RBM28: variants seen among roughly 807,000 people sequenced by gnomAD.
RBM28 encodes RNA binding motif protein 28.
Under a neutral mutation model 98.3 loss-of-function variants are expected in RBM28, and 78 were observed. The observed-to-expected ratio is 0.79, with a 90% confidence interval of 0.66 to 0.96. The LOEUF (loss-of-function observed/expected upper bound fraction) is 0.96, where lower values mean the gene tolerates loss of function less well. Among genes scored for constraint, RBM28 ranks in the 40% least tolerant of loss-of-function variants. The pLI is 0.00. For missense variants in RBM28, 838 were observed against 913.0 expected, an observed-to-expected ratio of 0.92 and a Z score of 1.06; for synonymous variants, 306 against 330.9, an observed-to-expected ratio of 0.92 and a Z score of 0.82.
chr7:128,316,869 T>A (rs1410991022), intron 16 of RBM28, among the ~76,000 whole-genome samples: 1 of 152,242 alleles, frequency 6.6e-6, no homozygotes, highest in Non-Finnish European at 1.5e-5. Context: ...ACCACCAGAA[T>A]GGCTCGTCTG....
rs1795755578 is a variant in RBM28 at position 128,299,677 on chromosome 7, C to T, written c.*11120G>A. 6.6e-6 allele frequency: 1 copy of T among 152,214 alleles called. No homozygotes were observed. Among genetic ancestry groups the T allele is most frequent in the East Asian group, 1.9e-4 (1 of 5,198 alleles). 9.4% of individuals were successfully genotyped at this position (152,214 alleles called of 1,614,324 possible). On this transcript the variant is annotated 3_prime_UTR_variant, in exon 19 of 19. Transcript: ENST00000223073. ...CACTGATACAATCCAATGAGCCTCC[C>T]TTCAGAGAGAGGCACCCTCATGGCC...
At chr7:128,325,392 G>C (rs1184749644) in intron 11 of RBM28, among the ~76,000 whole-genome samples, 2 of 152,176 alleles carry the variant, frequency 1.3e-5, no homozygotes, top group Non-Finnish European at 2.9e-5. Context: ...AGAAATAACA[G>C]CAATATTAGA....
intron 17 of RBM28, among the ~76,000 whole-genome samples, chr7:128,314,242 G>A (rs1455458282): frequency 2.0e-5 from 3 of 152,282 alleles, no homozygotes; most frequent in South Asian, 2.1e-4. Context: ...GATTACAGGC[G>A]TGAGCCACCG....
intron 8 of RBM28, among the ~76,000 whole-genome samples, chr7:128,335,173 G>A (rs1198719905): frequency 6.6e-6 from 1 of 152,196 alleles, no homozygotes; most frequent in Non-Finnish European, 1.5e-5. Context: ...TTGATGTTGA[G>A]ATGGTTATAT....
chr7:128,330,866 A>T lies in RBM28; in HGVS notation c.1082T>A (p.Leu361His). 6.2e-7 allele frequency: 1 copy of T among 1,614,122 alleles called. No homozygotes were observed. The highest frequency in any genetic ancestry group is 8.5e-7 in the Non-Finnish European group (1 of 1,179,976). The change falls in exon 10 of 19, where the codon CTC becomes CAC. Residue 361 changes from leucine to histidine, a missense_variant. Physicochemically the swap from Leu to His is moderately conservative, Grantham distance 99 (BLOSUM62 -3). Coordinates refer to ENST00000223073, the MANE Select transcript of RBM28 (RefSeq NM_018077.3). ...LGELLQQFGE[L>H]KYVRIVLHPD... ...ATGCAAGACAATGCGGACATATTTG[A>T]GTTCTCCAAACTGTTGGAGAAGCTC...
At chr7:128,339,558 T>C (rs906961347) in intron 2 of RBM28, 75 bp downstream of exon 2, 11 of 1,522,090 alleles carry the variant, frequency 7.2e-6, no homozygotes, top group East Asian at 4.5e-5. Flanking sequence ...GCTACCTCCA[T>C]GCCTCCCTCT....
intron 1 of RBM28, among the ~76,000 whole-genome samples, chr7:128,342,825 A>G (rs185827034): frequency 6.6e-6 from 1 of 152,044 alleles, no homozygotes; most frequent in East Asian, 1.9e-4. Context: ...AGTACCTTTG[A>G]GCTTGCTGTT....
intron 3 of RBM28, 23 bp downstream of exon 3, chr7:128,339,204 T>C: frequency 1.3e-6 from 2 of 1,559,502 alleles, no homozygotes; most frequent in Non-Finnish European, 1.8e-6. Flanking sequence ...AAACATGCAA[T>C]GTTCATTTTC....
intron 6 of RBM28, 151 bp downstream of exon 6, chr7:128,336,980 G>A (rs1053494999): frequency 1.3e-5 from 11 of 826,014 alleles, no homozygotes; most frequent in Non-Finnish European, 2.3e-5. Flanking sequence ...ACTCCTGACT[G>A]CAAGCAATCC....
chr7:128,325,330 GTATT>G (rs1447626652), intron 11 of RBM28, among the ~76,000 whole-genome samples: 1 of 152,210 alleles, frequency 6.6e-6, no homozygotes, highest in Non-Finnish European at 1.5e-5. Flanking sequence ...CAAATGTCTA[GTATT>G]GTAAAGTAAG....
intron 10 of RBM28, among the ~76,000 whole-genome samples, chr7:128,329,268 T>A (rs1796421477): frequency 1.3e-5 from 2 of 152,200 alleles, no homozygotes; most frequent in South Asian, 4.1e-4. Flanking sequence ...CCCGGCTAAT[T>A]TTGTATTTTT....
intron 2 of RBM28, 63 bp from the exon 3 acceptor site, chr7:128,339,384 A>T (rs1796673339): frequency 1.5e-6 from 2 of 1,375,680 alleles, no homozygotes; most frequent in Non-Finnish European, 2.0e-6. Context: ...CCAGAACATC[A>T]CAGAAAAAAA....
At chr7:128,332,323 C>T (rs1263362775) in intron 9 of RBM28, among the ~76,000 whole-genome samples, 1 of 151,842 alleles carries the variant, frequency 6.6e-6, no homozygotes, top group African/African-American at 2.4e-5. Flanking sequence ...TCATCAATTT[C>T]CTAGAATGAA....
rs368435335 is a variant in RBM28 at position 128,316,780 on chromosome 7, C to CAATT, written c.1788+875_1788+878dup. ...TGAAACAATGGCTAACAGTAATAAA[C>CAATT]AATTCTATTATCTGGGGAACAAAGT... On this transcript the variant is annotated intron_variant, in intron 16 of 18. Transcript: ENST00000223073. 3.2e-3 allele frequency among the ~76,000 whole-genome samples: 481 copies of CAATT among 152,300 alleles called. 3 individuals carry two copies. Among genetic ancestry groups the CAATT allele is most frequent in the African/African-American group, 0.011 (460 of 41,564 alleles).
At chr7:128,329,762 A>G (rs1396137201) in intron 10 of RBM28, among the ~76,000 whole-genome samples, 3 of 151,920 alleles carry the variant, frequency 2.0e-5, no homozygotes, top group Non-Finnish European at 4.4e-5. Flanking sequence ...AGTGGTGGGC[A>G]CCTGTAGTCC....
rs1796784886 is a variant in RBM28 at position 128,343,824 on chromosome 7, GC to G, written c.-32del. ...CGGGAAACCCAAAGCGCGTGAGGAC[GC>G]GAGCAAACTAGGCCGGCGCACGCGA... On this transcript the variant is annotated 5_prime_UTR_variant, in exon 1 of 19. Coordinates refer to ENST00000223073, the MANE Select transcript of RBM28 (RefSeq NM_018077.3). 1 of 1,515,432 alleles carries G rather than the reference GC, an allele frequency of 6.6e-7. No individual in the cohort carries two copies. Among genetic ancestry groups the G allele is most frequent in the East Asian group, 2.5e-5 (1 of 40,352 alleles). The allele number at this position is 1,515,432 out of a possible 1,614,324, so 93.9% of individuals were successfully genotyped here.
intron 18 of RBM28, among the ~76,000 whole-genome samples, chr7:128,312,284 G>A (rs1796001350): frequency 6.6e-6 from 1 of 152,182 alleles, no homozygotes; most frequent in African/African-American, 2.4e-5. Context: ...GGGCATGGTG[G>A]CGCATGCCTG....
intron 13 of RBM28, among the ~76,000 whole-genome samples, chr7:128,322,218 GTCTCAACTCTGCCA>G (rs1193509614): frequency 3.3e-5 from 5 of 152,236 alleles, no homozygotes; most frequent in African/African-American, 4.8e-5. Flanking sequence ...ATGCTGTGTT[GTCTCAACTCTGCCA>G]CCCTGAGGCA....
intron 1 of RBM28, 46 bp from the exon 2 acceptor site, chr7:128,339,837 G>A (rs775492065): frequency 2.5e-6 from 4 of 1,587,102 alleles, no homozygotes; most frequent in African/African-American, 2.7e-5. Context: ...GTGTGAAAAG[G>A]AGAGAGAATC....
Sources: allele counts gnomAD v4.1 joint callset (sites outside exome capture counted in the v4.1 genomes callset), GRCh38; gene constraint gnomAD v4.1.1; transcripts MANE v1.5; gene names NCBI Gene and HGNC (gene_info 2026-07-23, HGNC 2026-07-21).